Variants in HS3ST4 observed in about 807,000 individuals in gnomAD.
HS3ST4 encodes heparan sulfate glucosamine 3-O-sulfotransferase 4.
A neutral mutation model predicts 29.2 loss-of-function variants in HS3ST4; 17 were observed. That is an observed-to-expected ratio of 0.58 (90% CI 0.40 to 0.87). The LOEUF (loss-of-function observed/expected upper bound fraction) is 0.87, where lower values mean the gene tolerates loss of function less well. Ranked by LOEUF, HS3ST4 falls within the 40% of genes least tolerant of loss-of-function variation. The pLI, the probability that HS3ST4 is intolerant of heterozygous loss-of-function variation, is 0.00. For missense variants in HS3ST4, 627 were observed against 634.5 expected (o/e 0.99, Z 0.13); for synonymous variants, 314 against 285.7 (o/e 1.10, Z -1.00).
chr16:25,819,360 C>T (rs1967124672), intron 1 of HS3ST4, among the ~76,000 whole-genome samples: 1 of 152,192 alleles, frequency 6.6e-6, no homozygotes, highest in Non-Finnish European at 1.5e-5. Flanking sequence ...CATGATCCCA[C>T]CACAGCCCTG....
At chr16:26,112,862 G>A (rs1170756076) in intron 1 of HS3ST4, among the ~76,000 whole-genome samples, 1 of 152,066 alleles carries the variant, frequency 6.6e-6, no homozygotes, top group Non-Finnish European at 1.5e-5. Context: ...CATAGGCACA[G>A]GTGGAAGGAG....
intron 1 of HS3ST4, among the ~76,000 whole-genome samples, chr16:25,892,531 G>C (rs113762235): frequency 6.6e-6 from 1 of 152,182 alleles, no homozygotes; most frequent in African/African-American, 2.4e-5. Flanking sequence ...GAGAATGGAT[G>C]AGTTGAAACG....
chr16:26,046,145 A>ATTTTTT (rs146624042), intron 1 of HS3ST4, among the ~76,000 whole-genome samples: 3 of 114,636 alleles, frequency 2.6e-5, no homozygotes, highest in Non-Finnish European at 5.2e-5. Flanking sequence ...AGGACAGGAA[A>ATTTTTT]TTTTTTTTTT....
At chr16:25,727,312 CAGAGATGTATAT>C (rs1054902222) in intron 1 of HS3ST4, among the ~76,000 whole-genome samples, 12 of 152,028 alleles carry the variant, frequency 7.9e-5, no homozygotes, top group Non-Finnish European at 1.5e-4. Flanking sequence ...AAGAATGAGA[CAGAGATGTATAT>C]AGAGATATGA....
intron 1 of HS3ST4, among the ~76,000 whole-genome samples, chr16:25,715,841 A>G (rs1966450460): frequency 6.6e-6 from 1 of 152,206 alleles, no homozygotes; most frequent in Admixed American, 6.5e-5. Flanking sequence ...TGGTCAGAAG[A>G]CTGCCTTGGG....
intron 1 of HS3ST4, among the ~76,000 whole-genome samples, chr16:26,118,206 C>G (rs1354603726): frequency 6.6e-6 from 1 of 152,152 alleles, no homozygotes; most frequent in East Asian, 1.9e-4. Flanking sequence ...GCTGGGACCA[C>G]AGGTGCACAC....
chr16:25,774,536 T>G (rs529100469), intron 1 of HS3ST4, among the ~76,000 whole-genome samples: 12 of 152,212 alleles, frequency 7.9e-5, no homozygotes, highest in Non-Finnish European at 1.6e-4. Flanking sequence ...GCCTGAGCTT[T>G]AATTCAGACT....
chr16:26,078,428 G>C (rs750656579), intron 1 of HS3ST4, among the ~76,000 whole-genome samples: 1 of 152,164 alleles, frequency 6.6e-6, no homozygotes, highest in East Asian at 1.9e-4. Flanking sequence ...GATTACAGGC[G>C]TGAGCCACCG....
intron 1 of HS3ST4, among the ~76,000 whole-genome samples, chr16:26,052,557 G>T (rs1391096045): frequency 2.0e-5 from 3 of 152,142 alleles, no homozygotes; most frequent in Non-Finnish European, 4.4e-5. Flanking sequence ...TTTTAGTAAA[G>T]ATGAGGTTTC....
At chr16:25,760,958 A>G (rs759162146) in intron 1 of HS3ST4, among the ~76,000 whole-genome samples, 2 of 152,214 alleles carry the variant, frequency 1.3e-5, no homozygotes, top group Non-Finnish European at 2.9e-5. Context: ...TAAGCCCCTG[A>G]TAAAGGACTC....
intron 1 of HS3ST4, among the ~76,000 whole-genome samples, chr16:25,904,148 ATGGATGAATGGATGAATGGATGG>A (rs1968154245): frequency 1.4e-5 from 1 of 70,106 alleles, no homozygotes; most frequent in South Asian, 4.1e-4. Context: ...GGATGGATGG[ATGGATGAATGGATGAATGGATGG>A]ATGGATGGAT....
intron 1 of HS3ST4, among the ~76,000 whole-genome samples, chr16:25,873,320 ATCCTTCCT>A (rs200321805): frequency 2.3e-5 from 2 of 87,412 alleles, no homozygotes; most frequent in African/African-American, 4.7e-5. Context: ...CCATCCATCC[ATCCTTCCT>A]TCCTTCCTTT....
chr16:25,993,980 GTGTGTGTGTGTGTGTGTGTGTGTGTGT>G (rs1969136759), intron 1 of HS3ST4, among the ~76,000 whole-genome samples: 1 of 139,340 alleles, frequency 7.2e-6, no homozygotes, highest in Non-Finnish European at 1.6e-5. Flanking sequence ...GTGTGTGTGT[GTGTGTGTGTGTGTGTGTGTGTGTGTGT>G]GGTGGAGAGA....
At chr16:26,134,921 G>A (rs1157022600) in intron 1 of HS3ST4, among the ~76,000 whole-genome samples, 1 of 152,178 alleles carries the variant, frequency 6.6e-6, no homozygotes, top group East Asian at 1.9e-4. Context: ...GTAAATGAAT[G>A]AATGTGGCTG....
At chr16:26,130,581 A>T (rs576261201) in intron 1 of HS3ST4, among the ~76,000 whole-genome samples, 3 of 152,338 alleles carry the variant, frequency 2.0e-5, no homozygotes, top group Admixed American at 2.0e-4. Context: ...AACAAATCAT[A>T]TTATGACATT....
intron 1 of HS3ST4, chr16:25,886,708 C>T (rs1967957341): frequency 6.6e-6 from 1 of 152,118 alleles, no homozygotes; most frequent in South Asian, 2.1e-4. Flanking sequence ...GACAGCATGG[C>T]CTATTTTAGG....
intron 1 of HS3ST4, among the ~76,000 whole-genome samples, chr16:25,972,744 G>A (rs1968909734): frequency 6.6e-6 from 1 of 152,188 alleles, no homozygotes; most frequent in South Asian, 2.1e-4. Flanking sequence ...CACTCAAGAA[G>A]AGGGGATTAT....
intron 1 of HS3ST4, among the ~76,000 whole-genome samples, chr16:25,718,693 A>G (rs540096838): frequency 3.3e-4 from 51 of 152,272 alleles, no homozygotes; most frequent in Non-Finnish European, 7.4e-5. Flanking sequence ...AAGAATGTTG[A>G]GTTTCAGGTG....
chr16:26,107,309 G>A (rs145032741), intron 1 of HS3ST4, among the ~76,000 whole-genome samples: 25 of 150,310 alleles, frequency 1.7e-4, no homozygotes, highest in East Asian at 1.2e-3. Context: ...GTGTGTGTGT[G>A]TATATATATA....
Sources: gnomAD v4.1 joint callset for allele counts (sites outside exome capture counted in the v4.1 genomes callset) on GRCh38, gnomAD v4.1.1 for gene constraint, MANE v1.5 for transcripts, NCBI Gene and HGNC (gene_info 2026-07-23, HGNC 2026-07-21) for gene names.